Variants in PTPRT observed in about 807,000 individuals in gnomAD.
PTPRT encodes protein tyrosine phosphatase receptor type T, also known as receptor-type tyrosine-protein phosphatase T.
PTPRT carries 56 observed loss-of-function variants against 176.8 expected under a neutral mutation model. That is an observed-to-expected ratio of 0.32 (90% CI 0.26 to 0.40). The LOEUF (loss-of-function observed/expected upper bound fraction) is 0.40. Ranked by LOEUF, PTPRT falls within the 10% of genes least tolerant of loss-of-function variation. The pLI is 1.00. For synonymous variants in PTPRT, 783 were observed against 739.0 expected, an observed-to-expected ratio of 1.06 and a Z score of -0.96; for missense variants, 1,540 against 1,908.2, an observed-to-expected ratio of 0.81 and a Z score of 3.60.
At chr20:42,412,925 T>C (rs2059031673) in intron 9 of PTPRT, among the ~76,000 whole-genome samples, 2 of 152,158 alleles carry the variant, frequency 1.3e-5, no homozygotes, top group African/African-American at 2.4e-5. Context: ...ATGGGGAAAC[T>C]TTTTGGGATT....
intron 1 of PTPRT, among the ~76,000 whole-genome samples, chr20:43,048,294 G>A (rs1986913138): frequency 1.3e-5 from 2 of 152,160 alleles, no homozygotes; most frequent in South Asian, 2.1e-4. Flanking sequence ...GGTGCCAGGG[G>A]TTGGTGGATA....
intron 1 of PTPRT, among the ~76,000 whole-genome samples, chr20:43,147,881 A>G (rs2014218607): frequency 6.6e-6 from 1 of 152,198 alleles, no homozygotes; most frequent in Non-Finnish European, 1.5e-5. Flanking sequence ...AAGCAGGATC[A>G]CAGAACCTGG....
chr20:42,254,854 T>C (rs1015780703), intron 13 of PTPRT, among the ~76,000 whole-genome samples: 6 of 152,206 alleles, frequency 3.9e-5, no homozygotes, highest in African/African-American at 1.4e-4. Context: ...GAGGACCTCA[T>C]GTCTACAGGA....
At chr20:42,665,386 C>A (rs1322715827) in intron 7 of PTPRT, among the ~76,000 whole-genome samples, 1 of 152,142 alleles carries the variant, frequency 6.6e-6, no homozygotes, top group South Asian at 2.1e-4. Context: ...ATCAAAACCA[C>A]AATGAGATAC....
At chr20:42,594,355 G>A (rs2145768579) in intron 7 of PTPRT, among the ~76,000 whole-genome samples, 1 of 152,204 alleles carries the variant, frequency 6.6e-6, no homozygotes, top group Non-Finnish European at 1.5e-5. Context: ...ATTGGTTCGT[G>A]AAACAGACTA....
At chr20:42,108,871 C>A (rs1189065817) in intron 23 of PTPRT, among the ~76,000 whole-genome samples, 2 of 152,206 alleles carry the variant, frequency 1.3e-5, no homozygotes, top group Non-Finnish European at 2.9e-5. Context: ...AGATGACCTG[C>A]TAAGGAGACA....
At chr20:42,562,844 T>A (rs558976228) in intron 7 of PTPRT, among the ~76,000 whole-genome samples, 40 of 152,294 alleles carry the variant, frequency 2.6e-4, no homozygotes, top group East Asian at 2.1e-3. Flanking sequence ...TGCCTTATTC[T>A]CCTTCTATCT....
intron 7 of PTPRT, among the ~76,000 whole-genome samples, chr20:42,654,095 G>A (rs751609084): frequency 2.0e-5 from 3 of 152,200 alleles, no homozygotes; most frequent in African/African-American, 7.2e-5. Context: ...CAAATGGCAG[G>A]AAAGGTAGTG....
chr20:42,644,232 T>C (rs974996113), intron 7 of PTPRT, among the ~76,000 whole-genome samples: 1 of 152,102 alleles, frequency 6.6e-6, no homozygotes, highest in Non-Finnish European at 1.5e-5. Context: ...CAGCCTCCTC[T>C]TAGGGCCTGC....
intron 1 of PTPRT, among the ~76,000 whole-genome samples, chr20:43,041,513 C>T (rs550371231): frequency 6.6e-6 from 1 of 152,218 alleles, no homozygotes; most frequent in Non-Finnish European, 1.5e-5. Context: ...CCAAAGCCAG[C>T]AACATTGAGT....
chr20:42,382,420 T>C (rs756909273), intron 9 of PTPRT, among the ~76,000 whole-genome samples: 1 of 152,194 alleles, frequency 6.6e-6, no homozygotes, highest in African/African-American at 2.4e-5. Flanking sequence ...GCCTTCTGCC[T>C]GGGTACACCA....
the PTPRT span, among the ~76,000 whole-genome samples, chr20:42,045,572 C>G: frequency 6.6e-6 from 1 of 151,868 alleles, no homozygotes; most frequent in African/African-American, 2.4e-5. Context: ...CACTCCAAGT[C>G]CGTAGATGTT....
chr20:42,573,298 G>A (rs781024485), intron 7 of PTPRT, among the ~76,000 whole-genome samples: 2 of 152,104 alleles, frequency 1.3e-5, no homozygotes, highest in Non-Finnish European at 2.9e-5. Flanking sequence ...TGGCCACTAG[G>A]GGCCTTCCAC....
the PTPRT span, among the ~76,000 whole-genome samples, chr20:42,058,382 CA>C: frequency 3.3e-5 from 5 of 152,186 alleles, no homozygotes; most frequent in African/African-American, 1.2e-4. Context: ...CCAGTGCATG[CA>C]GTTTTGCAAA....
chr20:43,158,197 G>A (rs1449813168), intron 1 of PTPRT, among the ~76,000 whole-genome samples: 2 of 152,178 alleles, frequency 1.3e-5, no homozygotes, highest in African/African-American at 2.4e-5. Flanking sequence ...TGGATTCGAT[G>A]TTGGTATGGG....
At chr20:42,780,359 A>C in intron 3 of PTPRT, 60 bp from the exon 4 acceptor site, 1 of 1,341,644 alleles carries the variant, frequency 7.5e-7, no homozygotes, top group Admixed American at 1.7e-5. Context: ...TCATCACAAG[A>C]AGCTGCCCGG....
In PTPRT at chr20:42,668,858, ATTTTTTT is replaced by A. The variant is rs755121515; in HGVS notation, c.1153+9001_1153+9007del. Reference sequence around the variant, plus strand: ...AGGCGCCCGCCACCACGCCCAGCTAATTTTTTTTTTTTTTTTTTTTTTTTTGTATTTT... The same window carrying A: ...AGGCGCCCGCCACCACGCCCAGCTAATTTTTTTTTTTTTTTTTTGTATTTT... On this transcript the variant is annotated intron_variant, in intron 7 of 30. Transcript: ENST00000373187. Among the ~76,000 whole-genome samples the A allele has an allele frequency of 4.3e-3, 349 of 81,290 alleles. 3 individuals carry two copies. The highest frequency in any genetic ancestry group is 0.016 in the Middle Eastern group (1 of 62). The allele number at this position is 81,290 out of a possible 152,430, so 53.3% of individuals were successfully genotyped here.
intron 16 of PTPRT, among the ~76,000 whole-genome samples, chr20:42,180,620 CATA>C (rs1568648247): frequency 6.6e-6 from 1 of 152,138 alleles, no homozygotes; most frequent in Non-Finnish European, 1.5e-5. Context: ...ATTAAAAGTG[CATA>C]ATATGTCAGG....
chr20:42,601,031 T>C (rs1269753559), intron 7 of PTPRT, among the ~76,000 whole-genome samples: 2 of 152,184 alleles, frequency 1.3e-5, no homozygotes, highest in Admixed American at 6.5e-5. Context: ...TGATTCTGCA[T>C]CTCTCACACT....
Sources: allele counts gnomAD v4.1 joint callset (sites outside exome capture counted in the v4.1 genomes callset), GRCh38; gene constraint gnomAD v4.1.1; transcripts MANE v1.5; gene names NCBI Gene and HGNC (gene_info 2026-07-23, HGNC 2026-07-21).